Variants in DSE observed in about 807,000 individuals in gnomAD.
DSE encodes the protein dermatan sulfate epimerase.
Under a neutral mutation model 84.4 loss-of-function variants are expected in DSE, and 36 were observed. The ratio of observed to expected loss-of-function variants is 0.43; its 90% CI spans 0.33 to 0.56. The LOEUF (loss-of-function observed/expected upper bound fraction) is 0.56, where lower values mean the gene tolerates loss of function less well. DSE is among the 20% of genes least tolerant of loss of function. The pLI is 0.06. For missense variants in DSE, 862 were observed against 1,169.6 expected (o/e 0.74, Z 3.84); for synonymous variants, 410 against 430.1 (o/e 0.95, Z 0.58).
At chr6:116,414,694 G>A (rs1402684183) in intron 2 of DSE, among the ~76,000 whole-genome samples, 2 of 152,232 alleles carry the variant, frequency 1.3e-5, no homozygotes, top group African/African-American at 4.8e-5. Flanking sequence ...TTACAGGTGT[G>A]AGCCACCACG....
intron 2 of DSE, among the ~76,000 whole-genome samples, chr6:116,309,337 TACATACAC>T (rs1234207998): frequency 6.7e-6 from 1 of 149,694 alleles, no homozygotes; most frequent in Non-Finnish European, 1.5e-5. Flanking sequence ...CATACATACA[TACATACAC>T]ACCACTCTAA....
chr6:116,318,321 A>G (rs1583007465), intron 2 of DSE, among the ~76,000 whole-genome samples: 2 of 151,556 alleles, frequency 1.3e-5, no homozygotes, highest in Non-Finnish European at 2.9e-5. Context: ...CCTGGCTAAC[A>G]CAGTGAAACC....
chr6:116,425,711 C>T (rs957489528), intron 2 of DSE, among the ~76,000 whole-genome samples: 12 of 149,940 alleles, frequency 8.0e-5, no homozygotes, highest in African/African-American at 2.7e-4. Flanking sequence ...CAAGCTCCGC[C>T]TCCCAGGTTC....
At chr6:116,389,279 T>C (rs764934353) in intron 1 of DSE, among the ~76,000 whole-genome samples, 2 of 151,990 alleles carry the variant, frequency 1.3e-5, no homozygotes. Flanking sequence ...GGAACGTAGG[T>C]AAGGATGTGA....
At chr6:116,358,106 G>A (rs1159142543) in intron 2 of DSE, among the ~76,000 whole-genome samples, 1 of 152,178 alleles carries the variant, frequency 6.6e-6, no homozygotes, top group African/African-American at 2.4e-5. Context: ...CTGGAAGAAG[G>A]CAGGCAAGTC....
intron 2 of DSE, among the ~76,000 whole-genome samples, chr6:116,346,570 C>T (rs939405257): frequency 5.9e-5 from 9 of 152,260 alleles, no homozygotes; most frequent in South Asian, 2.1e-4. Context: ...AATTCAACAG[C>T]GCCTCATGCT....
At chr6:116,416,490 A>G (rs1317082411) in intron 2 of DSE, among the ~76,000 whole-genome samples, 5 of 151,368 alleles carry the variant, frequency 3.3e-5, no homozygotes, top group Non-Finnish European at 4.4e-5. Flanking sequence ...TTTATTCTTC[A>G]TTATAGACTT....
At chr6:116,406,810 GT>G (rs1170112558) in intron 2 of DSE, among the ~76,000 whole-genome samples, 1 of 152,122 alleles carries the variant, frequency 6.6e-6, no homozygotes, top group East Asian at 1.9e-4. Flanking sequence ...CAACATGCGA[GT>G]TCTGGACAGC....
In DSE at chr6:116,426,652, G is replaced by A. The variant is rs1057524129; in HGVS notation, c.495G>A (p.Leu165=). ...LVGFATAYDF[L]YNYLSKTQQE... ...GTTTTGCCACTGCTTATGACTTCTTGTACAACTACCTGAGCAAGACACAAC... is the reference window on the plus strand; with the variant it reads ...GTTTTGCCACTGCTTATGACTTCTTATACAACTACCTGAGCAAGACACAAC... Residue 165 remains leucine (L), a synonymous_variant, in exon 3 of 6, where the codon TTG becomes TTA. Coordinates refer to ENST00000644252, the MANE Select transcript of DSE (RefSeq NM_013352.4). 5 of 1,614,050 alleles carry A rather than the reference G, an allele frequency of 3.1e-6. No individual in the cohort carries two copies. In the South Asian group the frequency reaches 4.4e-5, roughly 14 times the overall value.
intron 2 of DSE, among the ~76,000 whole-genome samples, chr6:116,424,160 G>A (rs1409130020): frequency 6.6e-6 from 1 of 152,154 alleles, no homozygotes; most frequent in East Asian, 1.9e-4. Context: ...ACACAAGTTG[G>A]GAAACAAATG....
At position 116,444,131 on chromosome 6, in the gene DSE, C is replaced by T. The variant is rs1447712677; in HGVS notation, c.*6786C>T. ...AGTTCTGAAGAGAATTCTTAGAGCACTCTATATATTCAAACCTCCGTATTT... is the reference window on the plus strand; with the variant it reads ...AGTTCTGAAGAGAATTCTTAGAGCATTCTATATATTCAAACCTCCGTATTT... On this transcript the variant is annotated 3_prime_UTR_variant, in exon 6 of 6. Coordinates refer to ENST00000644252, the MANE Select transcript of DSE (RefSeq NM_013352.4). 6.6e-6 allele frequency: 1 copy of T among 152,160 alleles called. No individual in the cohort carries two copies. The highest frequency in any genetic ancestry group is 1.5e-5 in the Non-Finnish European group (1 of 68,036). The allele number at this position is 152,160 out of a possible 1,614,324, so 9.4% of individuals were successfully genotyped here. A position where few individuals can be genotyped will look rare whatever the true frequency, so the allele number is the denominator to read the frequency against.
intron 1 of DSE, among the ~76,000 whole-genome samples, chr6:116,398,863 G>A (rs1048107052): frequency 6.6e-6 from 1 of 152,102 alleles, no homozygotes; most frequent in Admixed American, 6.5e-5. Context: ...ATGTATTAAT[G>A]TCTAAAAAAA....
intron 1 of DSE, among the ~76,000 whole-genome samples, chr6:116,383,374 A>G (rs1562269969): frequency 1.3e-5 from 2 of 152,272 alleles, no homozygotes; most frequent in South Asian, 4.1e-4. Context: ...TAGGGTGGGT[A>G]TGAAAGTTTG....
chr6:116,416,349 CTGTGTGTGTGTGTGTGTGTGTGTG>C (rs59237926), intron 2 of DSE, among the ~76,000 whole-genome samples: 7 of 133,962 alleles, frequency 5.2e-5, no homozygotes, highest in Non-Finnish European at 8.0e-5. Context: ...CTAATTGCCA[CTGTGTGTGTGTGTGTGTGTGTGTG>C]TGTGTGTGTG....
chr6:116,360,766 T>C (rs537871912), intron 2 of DSE, among the ~76,000 whole-genome samples: 4 of 152,358 alleles, frequency 2.6e-5, no homozygotes, highest in Non-Finnish European at 2.9e-5. Context: ...CAGTTACTTA[T>C]TCCTCTGTGA....
At chr6:116,350,852 G>T (rs1778268956) in intron 2 of DSE, among the ~76,000 whole-genome samples, 1 of 151,478 alleles carries the variant, frequency 6.6e-6, no homozygotes, top group African/African-American at 2.4e-5. Flanking sequence ...CATGCCTTTA[G>T]ACATGACGAA....
rs1209964010 is a variant in DSE, at chr6:116,429,676, C to T, written c.671-1278C>T. Among the ~76,000 whole-genome samples the T allele has an allele frequency of 8.5e-4, 12 of 14,100 alleles. 4 individuals are homozygous for T. The South Asian group carries it at 9.9e-3, about 12-fold the overall frequency. The allele number at this position is 14,100 out of a possible 152,430, so 9.3% of individuals were successfully genotyped here. ...AGAAATATGAGGAGTTGGCCGGGCG[C>T]GGTGGCTCACGCTTGTAATCCCAGC... On this transcript the variant is annotated intron_variant, in intron 3 of 5. Coordinates refer to ENST00000644252, the MANE Select transcript of DSE (RefSeq NM_013352.4).
intron 2 of DSE, among the ~76,000 whole-genome samples, chr6:116,317,319 G>GC (rs1243130115): frequency 6.6e-6 from 1 of 152,180 alleles, no homozygotes; most frequent in Non-Finnish European, 1.5e-5. Flanking sequence ...AGCCAATTCT[G>GC]CCCCCTGCAG....
intron 2 of DSE, among the ~76,000 whole-genome samples, chr6:116,341,685 G>A (rs1338109857): frequency 1.3e-5 from 2 of 152,212 alleles, no homozygotes; most frequent in Non-Finnish European, 2.9e-5. Context: ...TGTAAGGAAG[G>A]CATCCAGTTT....
Sources: gnomAD v4.1 joint callset for allele counts (sites outside exome capture counted in the v4.1 genomes callset) on GRCh38, gnomAD v4.1.1 for gene constraint, MANE v1.5 for transcripts, NCBI Gene and HGNC (gene_info 2026-07-23, HGNC 2026-07-21) for gene names.